The following NCAM1 variants were observed in gnomAD, a reference collection of about 807,000 sequenced individuals.
The protein encoded by NCAM1 is neural cell adhesion molecule 1, also known as antigen recognized by monoclonal antibody 5.1H11.
A neutral mutation model predicts 109.8 loss-of-function variants in NCAM1; 14 were observed. The ratio of observed to expected loss-of-function variants is 0.13; its 90% CI spans 0.08 to 0.20. The LOEUF (loss-of-function observed/expected upper bound fraction) is 0.20, where lower values mean the gene tolerates loss of function less well. Among genes scored for constraint, NCAM1 ranks in the 10% least tolerant of loss-of-function variants. The pLI is 1.00. For missense variants in NCAM1, 774 were observed against 1,109.9 expected (o/e 0.70, Z 4.30); for synonymous variants, 418 against 442.9 (o/e 0.94, Z 0.70).
intron 1 of NCAM1, among the ~76,000 whole-genome samples, chr11:113,129,981 A>G (rs1183683262): frequency 2.6e-5 from 4 of 152,220 alleles, no homozygotes; most frequent in African/African-American, 7.2e-5. Context: ...GTTTTTTAAC[A>G]GCACTAACAG....
intron 5 of NCAM1, 56 bp from the exon 6 acceptor site, chr11:113,207,205 C>A: frequency 7.1e-7 from 1 of 1,403,822 alleles, no homozygotes; most frequent in Non-Finnish European, 1.0e-6. Context: ...CTTCTCCAGG[C>A]CATTGGGTTC....
At chr11:113,203,188 A>C (rs1459662012) in intron 2 of NCAM1, among the ~76,000 whole-genome samples, 3 of 152,180 alleles carry the variant, frequency 2.0e-5, no homozygotes, top group Non-Finnish European at 4.4e-5. Flanking sequence ...CTAGGTGTAA[A>C]TGGTGACATT....
chr11:113,078,797 A>C (rs113001460), intron 1 of NCAM1, among the ~76,000 whole-genome samples: 1 of 152,154 alleles, frequency 6.6e-6, no homozygotes, highest in East Asian at 1.9e-4. Context: ...ACCTGTCTCA[A>C]GATCATCCAA....
chr11:112,988,182 C>T (rs1359182509), intron 1 of NCAM1, among the ~76,000 whole-genome samples: 2 of 152,136 alleles, frequency 1.3e-5, no homozygotes, highest in Admixed American at 6.6e-5. Context: ...TTATGCCCCA[C>T]CTCCCAGCCT....
At position 113,113,128 on chromosome 11, in the gene NCAM1, C is replaced by T. The variant is rs188551734; in HGVS notation, c.53-89251C>T. Among the ~76,000 whole-genome samples, 9 of 152,106 alleles carry T rather than the reference C, an allele frequency of 5.9e-5. No individual in the cohort carries two copies. The East Asian group carries it at 1.4e-3, about 23-fold the overall frequency. On this transcript the variant is annotated intron_variant, in intron 1 of 19. Coordinates refer to ENST00000316851, the MANE Select transcript of NCAM1 (RefSeq NM_181351.5). ...CAGCCTGGGGGACAGACCAAGACTC[C>T]GTCTCAAAAAAATTAAATAAAATAA...
intron 1 of NCAM1, among the ~76,000 whole-genome samples, chr11:113,048,498 C>T (rs1019461984): frequency 2.0e-5 from 3 of 152,212 alleles, no homozygotes; most frequent in Non-Finnish European, 4.4e-5. Flanking sequence ...CTTGTGGACA[C>T]GGATGTCAGC....
chr11:113,242,769 C>T, intron 14 of NCAM1: 1 of 1,589,820 alleles, frequency 6.3e-7, no homozygotes, highest in Non-Finnish European at 8.6e-7. Context: ...TCTCCTTCAC[C>T]TTTCTTTGCC....
At chr11:113,187,893 A>G (rs1449975302) in intron 1 of NCAM1, among the ~76,000 whole-genome samples, 1 of 152,216 alleles carries the variant, frequency 6.6e-6, no homozygotes, top group Admixed American at 6.5e-5. Flanking sequence ...ATAGCTTTCT[A>G]TAAGATACTG....
chr11:113,026,645 TG>T (rs1952554516), intron 1 of NCAM1, among the ~76,000 whole-genome samples: 1 of 152,166 alleles, frequency 6.6e-6, no homozygotes, highest in Non-Finnish European at 1.5e-5. Flanking sequence ...ATATTTTGTA[TG>T]GGAGAAAGCA....
At chr11:113,182,013 T>C (rs1943349491) in intron 1 of NCAM1, among the ~76,000 whole-genome samples, 1 of 152,114 alleles carries the variant, frequency 6.6e-6, no homozygotes, top group Admixed American at 6.5e-5. Context: ...AAAACACAAA[T>C]CAATACAGTG....
At chr11:113,221,203 T>A (rs1223642243) in intron 8 of NCAM1, 93 bp from the exon 9 acceptor site, 8 of 1,265,804 alleles carry the variant, frequency 6.3e-6, no homozygotes, top group African/African-American at 1.5e-5. Flanking sequence ...AAAAGCTGCA[T>A]GTGCACGGAA....
At chr11:113,177,598 T>A (rs1214996051) in intron 1 of NCAM1, among the ~76,000 whole-genome samples, 1 of 152,072 alleles carries the variant, frequency 6.6e-6, no homozygotes, top group African/African-American at 2.4e-5. Flanking sequence ...CACACCCAGC[T>A]AATTTTGTAT....
rs1455828416 is a variant in NCAM1 at position 113,277,468 on chromosome 11, G to C, written c.*2081G>C. 2 of 398,928 alleles carry C rather than the reference G, an allele frequency of 5.0e-6. No individual in the cohort carries two copies. The highest frequency in any genetic ancestry group is 4.1e-5 in the African/African-American group (2 of 48,628). 24.7% of individuals were successfully genotyped at this position (398,928 alleles called of 1,614,324 possible). A position where few individuals can be genotyped will look rare whatever the true frequency, so the allele number is the denominator to read the frequency against. On this transcript the variant is annotated 3_prime_UTR_variant, in exon 20 of 20. Coordinates refer to ENST00000316851, the MANE Select transcript of NCAM1 (RefSeq NM_181351.5). ...CTCAGAATAGAGGAACATGAAGAGA[G>C]ATCTTAGAGCACACAGTAGAATGTG...
At chr11:113,036,123 C>A in intron 1 of NCAM1, among the ~76,000 whole-genome samples, 1 of 152,024 alleles carries the variant, frequency 6.6e-6, no homozygotes, top group East Asian at 1.9e-4. Context: ...CTCTTCCAAG[C>A]CATTTCCACA....
At chr11:113,271,931 TC>T in intron 19 of NCAM1, 55 bp downstream of exon 19, 1 of 1,159,502 alleles carries the variant, frequency 8.6e-7, no homozygotes, top group Admixed American at 2.8e-5. Flanking sequence ...CACACCCACC[TC>T]CCCACCCTAC....
chr11:113,184,448 A>G (rs1256551026), intron 1 of NCAM1, among the ~76,000 whole-genome samples: 1 of 152,182 alleles, frequency 6.6e-6, no homozygotes, highest in African/African-American at 2.4e-5. Context: ...TTTAACTACC[A>G]TTTTGAAGAT....
chr11:112,991,687 C>T (rs546906354), intron 1 of NCAM1, among the ~76,000 whole-genome samples: 6 of 152,256 alleles, frequency 3.9e-5, no homozygotes, highest in African/African-American at 1.4e-4. Flanking sequence ...TTAAATTTTA[C>T]TCTCAACATT....
chr11:113,216,979 C>G (rs1429541172), intron 8 of NCAM1, among the ~76,000 whole-genome samples: 2 of 152,156 alleles, frequency 1.3e-5, no homozygotes, highest in Non-Finnish European at 2.9e-5. Flanking sequence ...AATTAGGAAT[C>G]AAGATTACTA....
intron 1 of NCAM1, among the ~76,000 whole-genome samples, chr11:113,032,879 G>T (rs1324449487): frequency 1.3e-5 from 2 of 152,174 alleles, no homozygotes; most frequent in East Asian, 3.9e-4. Context: ...AATTGAAAGA[G>T]TTTTCTAAAT....
Sources: gnomAD v4.1 joint callset for allele counts (sites outside exome capture counted in the v4.1 genomes callset) on GRCh38, gnomAD v4.1.1 for gene constraint, MANE v1.5 for transcripts, NCBI Gene and HGNC (gene_info 2026-07-23, HGNC 2026-07-21) for gene names.